KCNT2: variants seen among roughly 807,000 people sequenced by gnomAD.
KCNT2 encodes the protein potassium sodium-activated channel subfamily T member 2.
A neutral mutation model predicts 153.8 loss-of-function variants in KCNT2; 67 were observed. The observed-to-expected ratio is 0.44, with a 90% confidence interval of 0.36 to 0.53. The LOEUF is 0.53. KCNT2 is among the 20% of genes least tolerant of loss of function. The pLI, the probability that KCNT2 is intolerant of heterozygous loss-of-function variation, is 0.00. For missense variants in KCNT2, 975 were observed against 1,354.8 expected, an observed-to-expected ratio of 0.72 and a Z score of 4.40; for synonymous variants, 500 against 458.8, an observed-to-expected ratio of 1.09 and a Z score of -1.15.
chr1:196,532,626 G>A (rs897984034), intron 1 of KCNT2, among the ~76,000 whole-genome samples: 1 of 151,796 alleles, frequency 6.6e-6, no homozygotes, highest in Non-Finnish European at 1.5e-5. Flanking sequence ...GAAAAATTGT[G>A]ACTTTACTGC....
At chr1:196,457,991 C>T (rs2148641391) in intron 8 of KCNT2, among the ~76,000 whole-genome samples, 1 of 151,978 alleles carries the variant, frequency 6.6e-6, no homozygotes, top group African/African-American at 2.4e-5. Context: ...AGGCAAAGCT[C>T]CCAGTGCAGA....
At chr1:196,449,985 C>A (rs1676016211) in intron 8 of KCNT2, among the ~76,000 whole-genome samples, 1 of 151,520 alleles carries the variant, frequency 6.6e-6, no homozygotes, top group Non-Finnish European at 1.5e-5. Context: ...AATAGACAAC[C>A]ATCTGGGTAG....
At chr1:196,509,484 T>C (rs891571289) in intron 1 of KCNT2, among the ~76,000 whole-genome samples, 6 of 152,302 alleles carry the variant, frequency 3.9e-5, no homozygotes, top group Admixed American at 3.9e-4. Flanking sequence ...TAAGACTATA[T>C]GTCAGTGATC....
intron 1 of KCNT2, among the ~76,000 whole-genome samples, chr1:196,499,561 A>G (rs1215288852): frequency 6.6e-6 from 1 of 152,208 alleles, no homozygotes; most frequent in Admixed American, 6.5e-5. Flanking sequence ...AACTAATAGT[A>G]TGGTAGGAGA....
intron 22 of KCNT2, among the ~76,000 whole-genome samples, chr1:196,286,523 A>G (rs1338896038): frequency 6.6e-6 from 1 of 151,992 alleles, no homozygotes; most frequent in Admixed American, 6.6e-5. Flanking sequence ...TTGTACATCC[A>G]GTAGTCTCTA....
chr1:196,278,153 A>T (rs1045955188), intron 25 of KCNT2, among the ~76,000 whole-genome samples: 12 of 152,168 alleles, frequency 7.9e-5, no homozygotes, highest in African/African-American at 2.7e-4. Context: ...ATTACTATAT[A>T]GATCAACATA....
intron 14 of KCNT2, among the ~76,000 whole-genome samples, chr1:196,360,752 A>C (rs1667549403): frequency 6.6e-6 from 1 of 152,088 alleles, no homozygotes; most frequent in Non-Finnish European, 1.5e-5. Flanking sequence ...AGGACTGGGC[A>C]GAAACCAAAC....
At chr1:196,486,933 A>T (rs1280466496) in intron 3 of KCNT2, among the ~76,000 whole-genome samples, 1 of 151,886 alleles carries the variant, frequency 6.6e-6, no homozygotes. Flanking sequence ...TGTTAGAAAG[A>T]CTTTTCGGTA....
chr1:196,451,458 C>T (rs1214905557), intron 8 of KCNT2, among the ~76,000 whole-genome samples: 1 of 119,134 alleles, frequency 8.4e-6, no homozygotes, highest in Non-Finnish European at 1.7e-5. Context: ...GGAGTTTTAC[C>T]AAGTTACCCA....
At chr1:196,450,619 C>A (rs1676075386) in intron 8 of KCNT2, among the ~76,000 whole-genome samples, 1 of 151,714 alleles carries the variant, frequency 6.6e-6, no homozygotes, top group South Asian at 2.1e-4. Context: ...AAGTGTGTCA[C>A]TTCTGTCTTT....
intron 13 of KCNT2, among the ~76,000 whole-genome samples, chr1:196,393,591 G>A (rs962008420): frequency 2.8e-5 from 4 of 141,118 alleles, no homozygotes; most frequent in Non-Finnish European, 4.8e-5. Context: ...GTTTTGGGGT[G>A]TGTGCATGTA....
intron 5 of KCNT2, among the ~76,000 whole-genome samples, chr1:196,472,576 CT>C (rs1465766690): frequency 3.3e-5 from 5 of 152,170 alleles, no homozygotes; most frequent in African/African-American, 1.2e-4. Context: ...AGATCAACTG[CT>C]TAATCCACTG....
rs1422292940 is a variant in KCNT2, at chr1:196,228,197, G to A, written c.*27C>T. 8 of 1,412,644 alleles carry A rather than the reference G, an allele frequency of 5.7e-6. No individual in the cohort carries two copies. Among genetic ancestry groups the A allele is most frequent in the Non-Finnish European group, 8.0e-6 (8 of 1,002,218 alleles). 87.5% of individuals were successfully genotyped at this position (1,412,644 alleles called of 1,614,324 possible). A position where few individuals can be genotyped will look rare whatever the true frequency, so the allele number is the denominator to read the frequency against. Reference sequence around the variant, plus strand: ...TGTGGTTTCAAGCAAGGTCTTTGTAGGAAAAAAGTTTCTCATTTTATTTTT... The same window carrying A: ...TGTGGTTTCAAGCAAGGTCTTTGTAAGAAAAAAGTTTCTCATTTTATTTTT... On this transcript the variant is annotated 3_prime_UTR_variant, in exon 28 of 28. Coordinates refer to ENST00000294725, the MANE Select transcript of KCNT2 (RefSeq NM_198503.5).
chr1:196,319,882 G>A (rs1028913735), intron 19 of KCNT2, among the ~76,000 whole-genome samples: 1 of 151,672 alleles, frequency 6.6e-6, no homozygotes, highest in African/African-American at 2.4e-5. Context: ...AGTTATCCAT[G>A]CACAGGAGGC....
chr1:196,312,238 G>A (rs1005144191), intron 21 of KCNT2, among the ~76,000 whole-genome samples: 21 of 151,306 alleles, frequency 1.4e-4, no homozygotes, highest in African/African-American at 4.4e-4. Context: ...TGTGTAGGGA[G>A]GCGAACAGCC....
intron 8 of KCNT2, among the ~76,000 whole-genome samples, chr1:196,432,095 G>A (rs1008630211): frequency 6.6e-6 from 1 of 152,154 alleles, no homozygotes; most frequent in Admixed American, 6.6e-5. Context: ...GTGCTCTTTG[G>A]CTACCCCAAG....
intron 20 of KCNT2, among the ~76,000 whole-genome samples, chr1:196,317,804 G>T (rs963342307): frequency 1.3e-5 from 2 of 151,466 alleles, no homozygotes; most frequent in Non-Finnish European, 3.0e-5. Context: ...CACGTGTGTC[G>T]GTTAATTCCA....
intron 26 of KCNT2, among the ~76,000 whole-genome samples, chr1:196,242,600 T>C (rs903040255): frequency 2.0e-5 from 3 of 152,188 alleles, no homozygotes; most frequent in African/African-American, 7.2e-5. Flanking sequence ...TAATTGTAAT[T>C]TATTACATGA....
chr1:196,404,162 G>T, intron 12 of KCNT2: 1 of 979,324 alleles, frequency 1.0e-6, no homozygotes, highest in Non-Finnish European at 1.2e-6. Context: ...AAATCTTGTT[G>T]ATTATGCCTC....
Sources: gnomAD v4.1 joint callset for allele counts (sites outside exome capture counted in the v4.1 genomes callset) on GRCh38, gnomAD v4.1.1 for gene constraint, MANE v1.5 for transcripts, NCBI Gene and HGNC (gene_info 2026-07-23, HGNC 2026-07-21) for gene names.